The following HTR6 variants were observed in gnomAD, a reference collection of about 807,000 sequenced individuals.
HTR6 encodes the protein 5-hydroxytryptamine (serotonin) receptor 6, G protein-coupled.
HTR6 carries 15 observed loss-of-function variants against 17.4 expected under a neutral mutation model. The observed-to-expected ratio is 0.86, with a 90% CI of 0.58 to 1.33. The LOEUF (loss-of-function observed/expected upper bound fraction) is 1.33. Among genes scored for constraint, HTR6 ranks in the 40% most tolerant of loss-of-function variants. HTR6 has a pLI of 0.00. For synonymous variants in HTR6, 326 were observed against 295.5 expected (o/e 1.10, Z -1.06); for missense variants, 578 against 616.0 (o/e 0.94, Z 0.65).
At chr1:19,676,098 G>C (rs934392949) in intron 1 of HTR6, among the ~76,000 whole-genome samples, 4 of 152,090 alleles carry the variant, frequency 2.6e-5, no homozygotes, top group African/African-American at 7.2e-5. Flanking sequence ...AGAAGGACAG[G>C]CTCCCCAACA....
chr1:19,679,504 G>A lies in HTR6; in HGVS notation c.*136G>A, dbSNP rs2095099074. The A allele has an allele frequency of 2.3e-6, 3 of 1,293,406 alleles. No homozygotes were observed. The highest frequency in any genetic ancestry group is 3.2e-5 in the South Asian group (2 of 62,238). The allele number at this position is 1,293,406 out of a possible 1,614,324, so 80.1% of individuals were successfully genotyped here. A position where few individuals can be genotyped will look rare whatever the true frequency, so the allele number is the denominator to read the frequency against. ...TCTGAGCTCCAGAGGGGTGCGCAGA[G>A]CTGACCCCCTGCTGCCATCTCCAGG... On this transcript the variant is annotated 3_prime_UTR_variant, in exon 3 of 3. Coordinates refer to ENST00000289753, the MANE Select transcript of HTR6 (RefSeq NM_000871.3). The surrounding 1 kb of genome is among the most constrained non-coding windows in gnomAD (Gnocchi z 4.9).
intron 1 of HTR6, among the ~76,000 whole-genome samples, chr1:19,668,431 C>T (rs1229263572): frequency 6.6e-6 from 1 of 152,122 alleles, no homozygotes; most frequent in Non-Finnish European, 1.5e-5. Context: ...AAGCGATCCT[C>T]CTGTCTTGGC....
rs2095096156 is a variant in HTR6, at chr1:19,677,777, C to T, written c.715-790C>T. On this transcript the variant is annotated intron_variant, in intron 1 of 2. Coordinates refer to ENST00000289753, the MANE Select transcript of HTR6 (RefSeq NM_000871.3). ...TGTGTGTGACAGAGTCTCGCTCTGT[C>T]ACCCAGGCTTGGAGTGCAGTGATGT... Among the ~76,000 whole-genome samples, 5 of 152,332 alleles carry T rather than the reference C, an allele frequency of 3.3e-5. No individual in the cohort carries two copies. In the South Asian group the frequency reaches 1.0e-3, roughly 32 times the overall value.
intron 1 of HTR6, among the ~76,000 whole-genome samples, chr1:19,674,031 C>A (rs1271142749): frequency 1.3e-5 from 2 of 151,986 alleles, no homozygotes; most frequent in African/African-American, 4.8e-5. Flanking sequence ...CCATGCCTGG[C>A]TAATTTTTGT....
intron 1 of HTR6, among the ~76,000 whole-genome samples, chr1:19,667,958 G>A (rs1452544022): frequency 1.4e-5 from 2 of 144,104 alleles, no homozygotes; most frequent in Admixed American, 6.8e-5. Context: ...CTGGGCACAT[G>A]GGGACTTGGC....
chr1:19,666,361 CCATATGCT>C lies in HTR6; in HGVS notation c.609_616del (p.Ile204HisfsTer45). The C allele has an allele frequency of 6.2e-7, 1 of 1,613,820 alleles. No homozygotes were observed. Among genetic ancestry groups the C allele is most frequent in the Non-Finnish European group, 8.5e-7 (1 of 1,179,952 alleles). On this transcript the variant is annotated frameshift_variant, in exon 1 of 3. Coordinates refer to ENST00000289753, the MANE Select transcript of HTR6 (RefSeq NM_000871.3). LOFTEE classifies it high-confidence loss of function. The surrounding 1 kb of genome is among the most constrained non-coding windows in gnomAD (Gnocchi z 4.5). The stretch of plus-strand genomic sequence containing the variant: ...CTCACCTTCTTCCTGCCCTCGGGTG[CCATATGCT>C]TCACCTACTGCAGGATCCTGCTAGC...
At chr1:19,676,245 A>G (rs2095094368) in intron 1 of HTR6, among the ~76,000 whole-genome samples, 1 of 152,166 alleles carries the variant, frequency 6.6e-6, no homozygotes, top group Non-Finnish European at 1.5e-5. Flanking sequence ...CCGTAAGCTG[A>G]GTATCATTTC....
chr1:19,677,602 T>C (rs955021381), intron 1 of HTR6, among the ~76,000 whole-genome samples: 1 of 152,238 alleles, frequency 6.6e-6, no homozygotes, highest in African/African-American at 2.4e-5. Context: ...AGCCTTTCTA[T>C]TTTGTGGGGC....
rs535356884 is a variant in HTR6 at position 19,673,981 on chromosome 1, C to T, written c.715-4586C>T. On this transcript the variant is annotated intron_variant, in intron 1 of 2. Coordinates refer to ENST00000289753, the MANE Select transcript of HTR6 (RefSeq NM_000871.3). ...TCTTCTGACTCAGGTGATCCTCCCA[C>T]GTCAACCTCCGGAGTAGCTGGGGCT... 1.1e-4 allele frequency among the ~76,000 whole-genome samples: 16 copies of T among 151,928 alleles called. No homozygotes were observed. In the East Asian group the frequency reaches 2.7e-3, roughly 26 times the overall value.
rs1445687977 is a variant in HTR6 at position 19,679,096 on chromosome 1, C to T, written c.1051C>T (p.Pro351Ser). The T allele has an allele frequency of 3.7e-6, 6 of 1,613,620 alleles. No homozygotes were observed. Among genetic ancestry groups the T allele is most frequent in the Non-Finnish European group, 5.1e-6 (6 of 1,179,790 alleles). The change falls in exon 3 of 3, where the codon CCA becomes TCA. Residue 351 changes from proline to serine, a missense_variant. Transcript: ENST00000289753. The surrounding 1 kb of genome is among the most constrained non-coding windows in gnomAD (Gnocchi z 4.9). ...PRERQASLASPSLRTSHSGPR... is the reference protein window; with the variant it reads ...PRERQASLASSSLRTSHSGPR... ...GGAGCGCCAGGCCAGCCTGGCCTCG[C>T]CATCACTGCGCACCTCTCACAGCGG...
chr1:19,674,817 G>A (rs2100474271), intron 1 of HTR6, among the ~76,000 whole-genome samples: 1 of 152,350 alleles, frequency 6.6e-6, no homozygotes, highest in Non-Finnish European at 1.5e-5. Flanking sequence ...ATGAATGTAG[G>A]TGTTGGCTGG....
At position 19,665,424 on chromosome 1, in the gene HTR6, T is replaced by G; in HGVS notation, c.-330T>G. 1 of 245,564 alleles carries G rather than the reference T, an allele frequency of 4.1e-6. No homozygotes were observed. Among genetic ancestry groups the G allele is most frequent in the Non-Finnish European group, 7.7e-6 (1 of 130,306 alleles). The allele number at this position is 245,564 out of a possible 1,614,324, so 15.2% of individuals were successfully genotyped here. On this transcript the variant is annotated 5_prime_UTR_variant, in exon 1 of 3. Coordinates refer to ENST00000289753, the MANE Select transcript of HTR6 (RefSeq NM_000871.3). The surrounding 1 kb of genome is among the most constrained non-coding windows in gnomAD (Gnocchi z 4.2). ...CTCTGCTCCCACCCCAGGGAGCCCA[T>G]CCGACCTCTGCTTGACTTCCCGCCG...
chr1:19,671,936 G>A (rs913375340), intron 1 of HTR6, among the ~76,000 whole-genome samples: 3 of 152,138 alleles, frequency 2.0e-5, no homozygotes, highest in African/African-American at 7.2e-5. Flanking sequence ...GGGGATGGAG[G>A]AAGAGCCGTG....
chr1:19,676,790 C>T (rs763013824), intron 1 of HTR6, among the ~76,000 whole-genome samples: 2 of 152,188 alleles, frequency 1.3e-5, no homozygotes, highest in Admixed American at 6.5e-5. Context: ...GACCTCATCT[C>T]CCCATATCCA....
chr1:19,678,698 G>A lies in HTR6; in HGVS notation c.846G>A (p.Leu282=), dbSNP rs200228144. 53 of 1,612,354 alleles carry A rather than the reference G, an allele frequency of 3.3e-5. No homozygotes were observed. In the South Asian group the frequency reaches 5.1e-4, roughly 15 times the overall value. The change falls in exon 2 of 3, where the codon TTG becomes TTA. Residue 282 remains leucine, a synonymous_variant. Coordinates refer to ENST00000289753, the MANE Select transcript of HTR6 (RefSeq NM_000871.3). ...TGGGCATGTTCTTTGTGACCTGGTT[G>A]CCCTTCTTTGTGGCCAACATAGTCC... ...ILLGMFFVTW[L]PFFVANIVQA...
intron 1 of HTR6, among the ~76,000 whole-genome samples, chr1:19,673,317 C>T (rs1306336926): frequency 1.3e-5 from 2 of 152,258 alleles, no homozygotes; most frequent in African/African-American, 2.4e-5. Context: ...CTTAAGGTCA[C>T]TCCACTAGTT....
In HTR6 at chr1:19,665,073, G is replaced by A. The variant is rs1167329655; in HGVS notation, c.-681G>A. Among the ~76,000 whole-genome samples, 5 of 151,564 alleles carry A rather than the reference G, an allele frequency of 3.3e-5. No homozygotes were observed. Among genetic ancestry groups the A allele is most frequent in the Non-Finnish European group, 5.9e-5 (4 of 67,816 alleles). On this transcript the variant is annotated 5_prime_UTR_variant, in exon 1 of 3. Transcript: ENST00000289753. This position sits in a 1 kb window ranked among gnomAD's most constrained non-coding sequence, Gnocchi z 4.2. ...GGGAGACGGAGGCGACCCTGCTGCC[G>A]GGTGGGGAGGGGGCGCCGCGCGGCC...
intron 1 of HTR6, among the ~76,000 whole-genome samples, chr1:19,669,750 T>C (rs2095085620): frequency 6.6e-6 from 1 of 152,198 alleles, no homozygotes; most frequent in Non-Finnish European, 1.5e-5. Flanking sequence ...ACCCACACGC[T>C]GATGACTTCC....
At chr1:19,667,037 A>G (rs965919733) in intron 1 of HTR6, among the ~76,000 whole-genome samples, 1 of 152,044 alleles carries the variant, frequency 6.6e-6, no homozygotes, top group Non-Finnish European at 1.5e-5. Flanking sequence ...TGCTCCAGAT[A>G]AAGAAAACCT....
Sources: gnomAD v4.1 joint callset for allele counts (sites outside exome capture counted in the v4.1 genomes callset) on GRCh38, gnomAD v4.1.1 for gene constraint, Gnocchi (gnomAD v3.1) non-coding constraint, MANE v1.5 for transcripts, NCBI Gene and HGNC (gene_info 2026-07-23, HGNC 2026-07-21) for gene names.